The following SNX29 variants were observed in gnomAD, a reference collection of about 807,000 sequenced individuals.
The protein encoded by SNX29 is sorting nexin-29.
SNX29 carries 78 observed loss-of-function variants against 102.1 expected under a neutral mutation model. The observed-to-expected ratio is 0.76, with a 90% CI of 0.64 to 0.92. The LOEUF (loss-of-function observed/expected upper bound fraction) is 0.92, where lower values mean the gene tolerates loss of function less well. SNX29 is among the 40% of genes least tolerant of loss of function. The pLI is 0.00. For synonymous variants in SNX29, 580 were observed against 414.5 expected (o/e 1.40, Z -4.85); for missense variants, 1,280 against 1,061.7 (o/e 1.21, Z -2.86).
chr16:12,566,956 G>T (rs752494760), intron 20 of SNX29, among the ~76,000 whole-genome samples: 1 of 152,240 alleles, frequency 6.6e-6, no homozygotes, highest in African/African-American at 2.4e-5. Context: ...AACTTGAAAC[G>T]AGGGATCTCA....
chr16:12,160,283 G>A (rs1394889939), intron 13 of SNX29, among the ~76,000 whole-genome samples: 1 of 152,206 alleles, frequency 6.6e-6, no homozygotes, highest in Non-Finnish European at 1.5e-5. Flanking sequence ...GGTAGGAGTA[G>A]ATGTTAGGTT....
intron 20 of SNX29, among the ~76,000 whole-genome samples, chr16:12,540,381 C>T (rs181749920): frequency 6.6e-6 from 1 of 152,278 alleles, no homozygotes; most frequent in African/African-American, 2.4e-5. Flanking sequence ...TGTTGCCCTA[C>T]CAAATTGGCA....
chr16:12,447,931 A>C (rs1157282294), intron 18 of SNX29, among the ~76,000 whole-genome samples: 1 of 152,146 alleles, frequency 6.6e-6, no homozygotes, highest in Non-Finnish European at 1.5e-5. Flanking sequence ...AATGGGATAA[A>C]AACCTCCCCC....
At chr16:12,438,584 G>A (rs755633067) in intron 18 of SNX29, among the ~76,000 whole-genome samples, 7 of 152,238 alleles carry the variant, frequency 4.6e-5, no homozygotes, top group Non-Finnish European at 8.8e-5. Flanking sequence ...CTTGCTGGGT[G>A]CCAGGTAGAG....
Position 12,406,864 on chromosome 16 carries a change from G to A in SNX29, c.2037+3335G>A, listed in dbSNP as rs149391864. Among the ~76,000 whole-genome samples the A allele has an allele frequency of 4.3e-3, 662 of 152,282 alleles. 5 individuals are homozygous for A. The highest frequency in any genetic ancestry group is 0.015 in the African/African-American group (633 of 41,570). ...GCAGAGGTTGCAGTGAGCTGAGATC[G>A]CGCCACTACACTCAAGCCTGGGCGA... On this transcript the variant is annotated intron_variant, in intron 18 of 20. Coordinates refer to ENST00000566228, the MANE Select transcript of SNX29 (RefSeq NM_032167.5).
intron 15 of SNX29, among the ~76,000 whole-genome samples, chr16:12,340,136 GT>G (rs1034082003): frequency 3.3e-5 from 5 of 152,170 alleles, no homozygotes; most frequent in Admixed American, 1.3e-4. Flanking sequence ...GCCAAAAATT[GT>G]TTTCTTTTTC....
At chr16:12,031,941 T>G (rs1042985799) in intron 4 of SNX29, among the ~76,000 whole-genome samples, 1 of 152,174 alleles carries the variant, frequency 6.6e-6, no homozygotes, top group Admixed American at 6.5e-5. Flanking sequence ...CAGTAATCAT[T>G]ACCACCATTC....
Position 12,087,448 on chromosome 16 carries a change from T to G in SNX29, c.1402+8533T>G, listed in dbSNP as rs956426120. The G allele has an allele frequency of 1.5e-5, 3 of 194,682 alleles. No homozygotes were observed. In the South Asian group the frequency reaches 2.9e-4, roughly 19 times the overall value. 12.1% of individuals were successfully genotyped at this position (194,682 alleles called of 1,614,324 possible). ...AACAGATTAATAAAGTAAATAAAAA[T>G]TAGCTGGTCATGGTGGCACATGTCT... On this transcript the variant is annotated intron_variant, in intron 11 of 20. Coordinates refer to ENST00000566228, the MANE Select transcript of SNX29 (RefSeq NM_032167.5).
intron 16 of SNX29, among the ~76,000 whole-genome samples, chr16:12,383,762 C>G (rs116162031): frequency 6.8e-6 from 1 of 146,700 alleles, no homozygotes; most frequent in African/African-American, 2.6e-5. Context: ...AAAAAAGATA[C>G]GTCAACTTTC....
chr16:12,193,076 C>T (rs2076684024), intron 13 of SNX29, among the ~76,000 whole-genome samples: 1 of 152,180 alleles, frequency 6.6e-6, no homozygotes, highest in East Asian at 1.9e-4. Flanking sequence ...CTCAGGTGAT[C>T]CTCCTGCCTC....
intron 13 of SNX29, among the ~76,000 whole-genome samples, chr16:12,136,452 C>G (rs185497409): frequency 2.5e-3 from 375 of 152,342 alleles, no homozygotes; most frequent in Non-Finnish European, 4.1e-3. Context: ...GGCAGAAACC[C>G]ACACCAAATT....
At chr16:12,538,586 C>G (rs2077182458) in intron 20 of SNX29, among the ~76,000 whole-genome samples, 1 of 152,056 alleles carries the variant, frequency 6.6e-6, no homozygotes. Flanking sequence ...GCTTCTGTGT[C>G]TGGGAATCAG....
At chr16:12,079,276 GTC>G (rs1211610179) in intron 11 of SNX29, among the ~76,000 whole-genome samples, 4 of 152,208 alleles carry the variant, frequency 2.6e-5, no homozygotes, top group Admixed American at 2.0e-4. Flanking sequence ...AGAAGAATAT[GTC>G]TCTCCAAGAT....
chr16:12,302,310 G>T (rs1435772509), intron 15 of SNX29, among the ~76,000 whole-genome samples: 1 of 152,166 alleles, frequency 6.6e-6, no homozygotes, highest in Non-Finnish European at 1.5e-5. Flanking sequence ...AGTTACAGCA[G>T]GCACACTTCT....
chr16:12,334,361 C>T (rs1329434292), intron 15 of SNX29, among the ~76,000 whole-genome samples: 2 of 152,134 alleles, frequency 1.3e-5, no homozygotes, highest in African/African-American at 4.8e-5. Context: ...TTGTGAAGCT[C>T]TGTCTTCCTG....
chr16:12,013,336 A>C (rs1180337121), intron 3 of SNX29, among the ~76,000 whole-genome samples: 3 of 150,332 alleles, frequency 2.0e-5, no homozygotes, highest in African/African-American at 4.9e-5. Context: ...CAAAACCTCA[A>C]AACAACAGTC....
At chr16:12,071,411 A>G (rs1026729091) in intron 10 of SNX29, among the ~76,000 whole-genome samples, 50 of 152,248 alleles carry the variant, frequency 3.3e-4, no homozygotes, top group African/African-American at 1.1e-3. Context: ...TCCCAGCACC[A>G]TTTATTAAAT....
At chr16:12,159,056 GA>G (rs749496799) in intron 13 of SNX29, among the ~76,000 whole-genome samples, 4 of 152,230 alleles carry the variant, frequency 2.6e-5, no homozygotes, top group Non-Finnish European at 5.9e-5. Context: ...GGCTTGGGTA[GA>G]AAGCACATCT....
chr16:12,102,755 G>A (rs2053075897), intron 11 of SNX29, among the ~76,000 whole-genome samples: 1 of 152,238 alleles, frequency 6.6e-6, no homozygotes, highest in African/African-American at 2.4e-5. Flanking sequence ...CAGATAGGAA[G>A]AGTAGAAGTC....
Sources: gnomAD v4.1 joint callset for allele counts (sites outside exome capture counted in the v4.1 genomes callset) on GRCh38, gnomAD v4.1.1 for gene constraint, MANE v1.5 for transcripts, NCBI Gene and HGNC (gene_info 2026-07-23, HGNC 2026-07-21) for gene names.